SGCZ: variants seen among roughly 807,000 people sequenced by gnomAD.
The protein encoded by SGCZ is zeta-sarcoglycan.
SGCZ carries 40 observed loss-of-function variants against 41.3 expected under a neutral mutation model. That is an observed-to-expected ratio of 0.97 (90% CI 0.75 to 1.26). SGCZ has a LOEUF of 1.26. Among genes scored for constraint, SGCZ ranks in the 50% most tolerant of loss-of-function variants. The pLI is 0.00. For missense variants in SGCZ, 552 were observed against 369.8 expected (o/e 1.49, Z -4.04); for synonymous variants, 206 against 137.5 (o/e 1.50, Z -3.49).
At chr8:14,853,295 C>T in intron 1 of SGCZ, 1 of 216,174 alleles carries the variant, frequency 4.6e-6, no homozygotes, top group Admixed American at 5.1e-5. Context: ...ATGAGAAAGA[C>T]AAGCTTCCAA....
At chr8:15,073,971 G>T (rs982580831) in intron 1 of SGCZ, among the ~76,000 whole-genome samples, 2 of 152,126 alleles carry the variant, frequency 1.3e-5, no homozygotes, top group Non-Finnish European at 2.9e-5. Flanking sequence ...TTAGTTTCTA[G>T]TTTAACTTTA....
At chr8:14,131,487 A>G (rs1803039723) in intron 5 of SGCZ, among the ~76,000 whole-genome samples, 1 of 152,302 alleles carries the variant, frequency 6.6e-6, no homozygotes, top group African/African-American at 2.4e-5. Flanking sequence ...ATGGTTCCTG[A>G]TGACAAATTA....
intron 4 of SGCZ, among the ~76,000 whole-genome samples, chr8:14,184,171 C>T (rs1451209377): frequency 1.3e-5 from 2 of 151,712 alleles, no homozygotes; most frequent in African/African-American, 4.9e-5. Flanking sequence ...TAACAAATTC[C>T]AGTATATTTA....
intron 1 of SGCZ, among the ~76,000 whole-genome samples, chr8:14,854,018 A>G (rs2130661527): frequency 3.6e-5 from 2 of 55,362 alleles, no homozygotes; most frequent in Non-Finnish European, 7.0e-5. Context: ...CTATGTGATT[A>G]TATTATATAT....
At chr8:14,910,393 A>G (rs17601853) in intron 1 of SGCZ, among the ~76,000 whole-genome samples, 2,523 of 152,134 alleles carry the variant, frequency 0.017, 103 homozygotes, top group Admixed American at 0.096. Flanking sequence ...GGCTTAACTC[A>G]GTGTTTGTAG....
chr8:14,169,362 A>G (rs1226789634), intron 4 of SGCZ, among the ~76,000 whole-genome samples: 1 of 152,100 alleles, frequency 6.6e-6, no homozygotes, highest in African/African-American at 2.4e-5. Context: ...CACCATTTTC[A>G]ATTCCTCCAT....
At chr8:14,566,935 C>T (rs1804386007) in intron 1 of SGCZ, among the ~76,000 whole-genome samples, 1 of 152,182 alleles carries the variant, frequency 6.6e-6, no homozygotes, top group African/African-American at 2.4e-5. Flanking sequence ...CCGGCTGGCC[C>T]CGCCAGCTGG....
At chr8:14,747,808 G>A (rs938422435) in intron 1 of SGCZ, among the ~76,000 whole-genome samples, 1 of 149,372 alleles carries the variant, frequency 6.7e-6, no homozygotes, top group Non-Finnish European at 1.5e-5. Context: ...CACCTCCCAC[G>A]TTCAATCGAT....
intron 1 of SGCZ, among the ~76,000 whole-genome samples, chr8:14,977,859 C>T (rs995504149): frequency 6.7e-6 from 1 of 149,796 alleles, no homozygotes; most frequent in Non-Finnish European, 1.5e-5. Flanking sequence ...AGTTATCAGG[C>T]TTTAAAATCA....
chr8:14,559,198 T>C (rs1162589422), intron 1 of SGCZ, among the ~76,000 whole-genome samples: 2 of 152,024 alleles, frequency 1.3e-5, no homozygotes, highest in African/African-American at 4.8e-5. Context: ...CTGTCACTGT[T>C]TGCTGATGAT....
intron 2 of SGCZ, among the ~76,000 whole-genome samples, chr8:14,419,743 G>C (rs796965360): frequency 1.8e-4 from 27 of 151,950 alleles, no homozygotes; most frequent in African/African-American, 6.3e-4. Context: ...TTTGAGTAAT[G>C]GTGTGCCCAA....
At chr8:15,169,388 G>A (rs1296018145) in intron 1 of SGCZ, among the ~76,000 whole-genome samples, 1 of 152,140 alleles carries the variant, frequency 6.6e-6, no homozygotes, top group Non-Finnish European at 1.5e-5. Context: ...TGGAATCAGG[G>A]ATTCCAATAG....
chr8:14,824,304 C>A (rs892316915), intron 1 of SGCZ, among the ~76,000 whole-genome samples: 1 of 151,904 alleles, frequency 6.6e-6, no homozygotes, highest in African/African-American at 2.4e-5. Context: ...CACTGACTAC[C>A]GATTATTGGA....
chr8:14,767,402 G>A (rs1245471672), intron 1 of SGCZ, among the ~76,000 whole-genome samples: 1 of 152,088 alleles, frequency 6.6e-6, no homozygotes, highest in African/African-American at 2.4e-5. Flanking sequence ...AGTAGACCCA[G>A]GAAAACAGAA....
intron 5 of SGCZ, among the ~76,000 whole-genome samples, chr8:14,141,339 C>T (rs757052243): frequency 2.2e-4 from 34 of 152,126 alleles, no homozygotes; most frequent in Non-Finnish European, 4.4e-4. Context: ...AACTAAAGAG[C>T]TTCTGCACAG....
intron 3 of SGCZ, among the ~76,000 whole-genome samples, chr8:14,308,713 A>G (rs1795773545): frequency 6.6e-6 from 1 of 152,092 alleles, no homozygotes; most frequent in African/African-American, 2.4e-5. Context: ...GTGTGTTTCA[A>G]TTTTTAACAA....
chr8:14,246,252 G>A (rs1585274786), intron 3 of SGCZ, among the ~76,000 whole-genome samples: 1 of 152,146 alleles, frequency 6.6e-6, no homozygotes, highest in Non-Finnish European at 1.5e-5. Context: ...AGACACCATG[G>A]AATACTATGC....
chr8:14,828,638 C>G (rs919740381), intron 1 of SGCZ, among the ~76,000 whole-genome samples: 5 of 152,258 alleles, frequency 3.3e-5, no homozygotes, highest in African/African-American at 1.2e-4. Flanking sequence ...GTCAGTGGTC[C>G]AGGTGAAACT....
chr8:15,065,089 G>A (rs188762614), intron 1 of SGCZ, among the ~76,000 whole-genome samples: 2 of 152,016 alleles, frequency 1.3e-5, no homozygotes, highest in Non-Finnish European at 2.9e-5. Flanking sequence ...GCCAAATCTG[G>A]ATAATTTCCC....
Sources: gnomAD v4.1 joint callset for allele counts (sites outside exome capture counted in the v4.1 genomes callset) on GRCh38, gnomAD v4.1.1 for gene constraint, MANE v1.5 for transcripts, NCBI Gene and HGNC (gene_info 2026-07-23, HGNC 2026-07-21) for gene names.